HSD17B12: variants seen among roughly 807,000 people sequenced by gnomAD.
HSD17B12 encodes very-long-chain 3-oxoacyl-CoA reductase.
A neutral mutation model predicts 39.3 loss-of-function variants in HSD17B12; 32 were observed. The ratio of observed to expected loss-of-function variants is 0.81; its 90% CI spans 0.61 to 1.09. The LOEUF is 1.09. Among genes scored for constraint, HSD17B12 ranks in the 50% least tolerant of loss-of-function variants. The pLI, the probability that HSD17B12 is intolerant of heterozygous loss-of-function variation, is 0.00. For missense variants in HSD17B12, 342 were observed against 382.9 expected, an observed-to-expected ratio of 0.89 and a Z score of 0.89; for synonymous variants, 150 against 146.7, an observed-to-expected ratio of 1.02 and a Z score of -0.16.
At chr11:43,846,166 T>G (rs1410257311) in intron 9 of HSD17B12, among the ~76,000 whole-genome samples, 2 of 152,210 alleles carry the variant, frequency 1.3e-5, no homozygotes, top group African/African-American at 4.8e-5. Flanking sequence ...ACTTTATGCC[T>G]TAATCTCCCC....
chr11:43,656,161 C>A, the HSD17B12 span, among the ~76,000 whole-genome samples: 2 of 152,106 alleles, frequency 1.3e-5, no homozygotes, highest in African/African-American at 2.4e-5. Context: ...GGAATTTATC[C>A]ATTTCTTCTA....
At chr11:43,610,312 A>T in the HSD17B12 span, among the ~76,000 whole-genome samples, 1 of 152,224 alleles carries the variant, frequency 6.6e-6, no homozygotes, top group African/African-American at 2.4e-5. Context: ...AATGTTAGGC[A>T]TGTAATTGGT....
chr11:43,771,755 C>G (rs1225520151), intron 3 of HSD17B12, among the ~76,000 whole-genome samples: 1 of 152,144 alleles, frequency 6.6e-6, no homozygotes, highest in Non-Finnish European at 1.5e-5. Context: ...GTGTGAGCCA[C>G]TGCGCCTGGC....
At chr11:43,797,396 T>G (rs1414339943) in intron 3 of HSD17B12, among the ~76,000 whole-genome samples, 1 of 152,214 alleles carries the variant, frequency 6.6e-6, no homozygotes, top group African/African-American at 2.4e-5. Flanking sequence ...GAATCTAGCC[T>G]TTATGGACTG....
chr11:43,717,829 G>C (rs952162095), intron 1 of HSD17B12, among the ~76,000 whole-genome samples: 17 of 138,698 alleles, frequency 1.2e-4, no homozygotes, highest in Admixed American at 1.2e-3. Flanking sequence ...TTTTGAGACA[G>C]AGTCTGGCTC....
At chr11:43,771,678 A>T (rs1402773245) in intron 3 of HSD17B12, among the ~76,000 whole-genome samples, 2 of 151,696 alleles carry the variant, frequency 1.3e-5, no homozygotes, top group Non-Finnish European at 2.9e-5. Context: ...TGTTGACCAC[A>T]CTGGCCTAGG....
At chr11:43,794,348 C>A (rs1448437822) in intron 3 of HSD17B12, among the ~76,000 whole-genome samples, 35 of 152,082 alleles carry the variant, frequency 2.3e-4, no homozygotes, top group Admixed American at 2.3e-3. Flanking sequence ...AAATGGAGAG[C>A]CCGGAGGGAA....
intron 9 of HSD17B12, chr11:43,852,603 GA>G (rs1417958399): frequency 6.6e-6 from 1 of 151,970 alleles, no homozygotes; most frequent in Admixed American, 6.6e-5. Context: ...TTTACTCTGG[GA>G]AATAACCTTT....
intron 1 of HSD17B12, among the ~76,000 whole-genome samples, chr11:43,698,678 T>TAG (rs1250878368): frequency 6.6e-6 from 1 of 152,214 alleles, no homozygotes; most frequent in Non-Finnish European, 1.5e-5. Flanking sequence ...AATCCCCACT[T>TAG]TGTCTAAGAT....
the HSD17B12 span, among the ~76,000 whole-genome samples, chr11:43,579,875 G>A: frequency 1.2e-4 from 19 of 152,156 alleles, no homozygotes; most frequent in African/African-American, 4.6e-4. Flanking sequence ...GGGAGTGTGT[G>A]TGCGCGCGCG....
the HSD17B12 span, among the ~76,000 whole-genome samples, chr11:43,573,507 A>T: frequency 6.6e-6 from 1 of 152,176 alleles, no homozygotes; most frequent in African/African-American, 2.4e-5. Flanking sequence ...GCGTTACACC[A>T]GCATAATTTT....
At chr11:43,749,455 A>G (rs976907742) in intron 1 of HSD17B12, among the ~76,000 whole-genome samples, 2 of 152,134 alleles carry the variant, frequency 1.3e-5, no homozygotes, top group African/African-American at 2.4e-5. Flanking sequence ...TAGCAGAAAC[A>G]TACTGTAATA....
At chr11:43,559,670 C>G in the HSD17B12 span, 1 of 155,970 alleles carries the variant, frequency 6.4e-6, no homozygotes, top group African/African-American at 2.4e-5. Context: ...AGGGGTGGAC[C>G]TGATGTCCCT....
chr11:43,644,849 T>C, the HSD17B12 span: 2 of 152,296 alleles, frequency 1.3e-5, no homozygotes, highest in African/African-American at 4.8e-5. Context: ...TGAAAGGCAG[T>C]GTCAGGCAGT....
At chr11:43,749,686 T>C (rs868680433) in intron 1 of HSD17B12, among the ~76,000 whole-genome samples, 1 of 151,848 alleles carries the variant, frequency 6.6e-6, no homozygotes, top group Admixed American at 6.6e-5. Flanking sequence ...AAGAACATGA[T>C]GAAAGTCTAC....
chr11:43,697,331 G>T (rs1053059921), intron 1 of HSD17B12, among the ~76,000 whole-genome samples: 1 of 152,134 alleles, frequency 6.6e-6, no homozygotes, highest in African/African-American at 2.4e-5. Flanking sequence ...TCTGGAAGAA[G>T]CAACATTTAA....
At chr11:43,674,338 C>T in the HSD17B12 span, among the ~76,000 whole-genome samples, 806 of 152,226 alleles carry the variant, frequency 5.3e-3, 8 homozygotes, top group African/African-American at 0.019. Flanking sequence ...TGTTGAATTC[C>T]AAAAGTGTGT....
chr11:43,656,041 T>C, the HSD17B12 span, among the ~76,000 whole-genome samples: 2 of 152,184 alleles, frequency 1.3e-5, no homozygotes, highest in African/African-American at 4.8e-5. Context: ...GTCCTGGACT[T>C]TTTTTGGTTG....
chr11:43,659,938 C>T, the HSD17B12 span, among the ~76,000 whole-genome samples: 3 of 151,928 alleles, frequency 2.0e-5, no homozygotes, highest in Non-Finnish European at 2.9e-5. Context: ...TTTTTTTAAG[C>T]CCAAACTAGA....
Sources: allele counts gnomAD v4.1 joint callset (sites outside exome capture counted in the v4.1 genomes callset), GRCh38; gene constraint gnomAD v4.1.1; transcripts MANE v1.5; gene names NCBI Gene and HGNC (gene_info 2026-07-23, HGNC 2026-07-21).